The following NEIL1 variants were observed in gnomAD, a reference collection of about 807,000 sequenced individuals.
NEIL1 encodes nei like DNA glycosylase 1, also known as endonuclease 8-like 1.
NEIL1 carries 31 observed loss-of-function variants against 44.2 expected under a neutral mutation model. The observed-to-expected ratio is 0.70, with a 90% CI of 0.53 to 0.95. The LOEUF is 0.95. NEIL1 is among the 40% of genes least tolerant of loss of function. NEIL1 has a pLI of 0.00. For synonymous variants in NEIL1, 254 were observed against 209.7 expected, an observed-to-expected ratio of 1.21 and a Z score of -1.83; for missense variants, 549 against 515.5, an observed-to-expected ratio of 1.07 and a Z score of -0.63.
rs2072296808 is a variant in NEIL1, at chr15:75,356,322, G to GACC, written c.*1289_*1291dup. ...TTGCCTGCTTGACGGTCTCCAATACGACCGCGGGTGAAGACACGGAAAACG... is the reference window on the plus strand; with the variant it reads ...TTGCCTGCTTGACGGTCTCCAATACGACCACCGCGGGTGAAGACACGGAAAACG... On this transcript the variant is annotated 3_prime_UTR_variant, in exon 10 of 10. Coordinates refer to ENST00000355059, the MANE Select transcript of NEIL1 (RefSeq NM_024608.4). The surrounding 1 kb of genome is among the most constrained non-coding windows in gnomAD (Gnocchi z 5.8). 1 of 1,612,214 alleles carries GACC rather than the reference G, an allele frequency of 6.2e-7. No homozygotes were observed. The highest frequency in any genetic ancestry group is 1.3e-5 in the African/African-American group (1 of 74,832).
At position 75,355,932 on chromosome 15, in the gene NEIL1, G is replaced by T; in HGVS notation, c.*898G>T. 6.2e-7 allele frequency: 1 copy of T among 1,614,206 alleles called. No individual in the cohort carries two copies. Among genetic ancestry groups the T allele is most frequent in the Non-Finnish European group, 8.5e-7 (1 of 1,180,034 alleles). On this transcript the variant is annotated 3_prime_UTR_variant, in exon 10 of 10. Coordinates refer to ENST00000355059, the MANE Select transcript of NEIL1 (RefSeq NM_024608.4). Reference sequence around the variant, plus strand: ...CAGTGTGGCGGAGGCTGAAGCACGAGCAACAGGGACAGCACTTGGAAGGGA... The same window carrying T: ...CAGTGTGGCGGAGGCTGAAGCACGATCAACAGGGACAGCACTTGGAAGGGA...
Position 75,354,812 on chromosome 15 carries a change from G to C in NEIL1, c.1096G>C (p.Ala366Pro). 2 of 1,614,008 alleles carry C rather than the reference G, an allele frequency of 1.2e-6. No individual in the cohort carries two copies. The highest frequency in any genetic ancestry group is 1.7e-6 in the Non-Finnish European group (2 of 1,180,024). The change falls in exon 9 of 10, where the codon GCC becomes CCC. Residue 366 changes from alanine (A) to proline (P), a missense_variant. Transcript: ENST00000355059. ...KKGRRKGRQA[A>P]SGHCRPRKVK... ...GGGGAGGAGGAAGGGGCGACAGGCA[G>C]CCTCTGGTGGGCTTTCCTCATCACT...
chr15:75,349,571 T>C (rs1360756606), intron 2 of NEIL1: 1 of 544,368 alleles, frequency 1.8e-6, no homozygotes, highest in Non-Finnish European at 3.3e-6. Flanking sequence ...ATCCCAGCAC[T>C]TTGGGAAGCC....
chr15:75,350,160 C>T (rs1338685481), intron 2 of NEIL1, among the ~76,000 whole-genome samples: 1 of 152,226 alleles, frequency 6.6e-6, no homozygotes, highest in Non-Finnish European at 1.5e-5. Context: ...GGTGTAACAG[C>T]CCCACCTGGG....
At chr15:75,354,148 C>A in intron 6 of NEIL1, 102 bp from the exon 7 acceptor site, 1 of 1,343,214 alleles carries the variant, frequency 7.4e-7, no homozygotes, top group Admixed American at 1.7e-5. Flanking sequence ...AAGGGAGAAG[C>A]TACACTGATC....
Position 75,352,338 on chromosome 15 carries a change from C to G in NEIL1, c.569C>G (p.Pro190Arg), listed in dbSNP as rs144060219. ...AEILYRLKIP[P>R]FEKARSVLEA... ...CCCCACTACAGGCTGAAGATCCCCC[C>G]CTTTGAGAAGGCCCGCTCGGTCCTG... Residue 190 changes from proline (P) to arginine (R), a missense_variant, in exon 4 of 10, where the codon CCC (proline) becomes CGC (arginine). By Grantham distance (103) the Pro-to-Arg change is moderately radical. Transcript: ENST00000355059. 5.3e-5 allele frequency: 86 copies of G among 1,614,190 alleles called. No homozygotes were observed. Among genetic ancestry groups the G allele is most frequent in the South Asian group, 6.6e-5 (6 of 91,086 alleles).
At position 75,352,138 on chromosome 15, in the gene NEIL1, T is replaced by G; in HGVS notation, c.462T>G (p.Asp154Glu). 1.2e-6 allele frequency: 2 copies of G among 1,614,144 alleles called. No homozygotes were observed. Among genetic ancestry groups the G allele is most frequent in the African/African-American group, 2.7e-5 (2 of 75,036 alleles). ...AGAATGTGCTACGAAACCTAGCGGA[T>G]AAGGCCTTTGACCGGCCCATCTGCG... The part of the protein sequence containing the change: ...FRENVLRNLA[D>E]KAFDRPICEA... Residue 154 changes from aspartate to glutamate, a missense_variant, in exon 3 of 10, where the codon GAT (aspartate) becomes GAG (glutamate). Transcript: ENST00000355059.
rs770462466 is a variant in NEIL1 at position 75,352,246 on chromosome 15, T to A, written c.554+16T>A. On this transcript the variant is annotated intron_variant, in intron 3 of 9. Coordinates refer to ENST00000355059, the MANE Select transcript of NEIL1 (RefSeq NM_024608.4). ...TCCTGTACCGGTCAGCAAGCAGGCA[T>A]GGGCATGGGGACTGCGGTGGGCCAG... 13 of 1,614,180 alleles carry A rather than the reference T, an allele frequency of 8.1e-6. No homozygotes were observed. The highest frequency in any genetic ancestry group is 1.1e-5 in the Non-Finnish European group (13 of 1,180,026).
Position 75,356,854 on chromosome 15 carries a change from C to T in NEIL1, c.*1820C>T. 6.2e-7 allele frequency: 1 copy of T among 1,614,160 alleles called. No individual in the cohort carries two copies. The highest frequency in any genetic ancestry group is 8.5e-7 in the Non-Finnish European group (1 of 1,180,036). Reference sequence around the variant, plus strand: ...CCATACTTGCAGTCGTTGAGCAGGGCCAGCCCAAAGCCGTGTTCTGACAGA... The same window carrying T: ...CCATACTTGCAGTCGTTGAGCAGGGTCAGCCCAAAGCCGTGTTCTGACAGA... On this transcript the variant is annotated 3_prime_UTR_variant, in exon 10 of 10. Coordinates refer to ENST00000355059, the MANE Select transcript of NEIL1 (RefSeq NM_024608.4). The surrounding 1 kb of genome is among the most constrained non-coding windows in gnomAD (Gnocchi z 5.8).
At chr15:75,353,180 G>T in intron 5 of NEIL1, 1 of 176,808 alleles carries the variant, frequency 5.7e-6, no homozygotes, top group Non-Finnish European at 1.2e-5. Flanking sequence ...TTTCCTCCAA[G>T]CTGCCCATGA....
At chr15:75,351,366 C>T (rs2071878559) in intron 2 of NEIL1, 4 of 416,770 alleles carry the variant, frequency 9.6e-6, no homozygotes, top group South Asian at 7.0e-5. Flanking sequence ...GCCTTAACCT[C>T]CAGGGCTCAG....
At chr15:75,352,013 T>C in intron 2 of NEIL1, 98 bp from the exon 3 acceptor site, 2 of 1,168,414 alleles carry the variant, frequency 1.7e-6, no homozygotes, top group Non-Finnish European at 2.5e-6. Flanking sequence ...ACTCCCAGTT[T>C]CCTTCCCCTT....
rs1456873612 is a variant in NEIL1 at position 75,347,989 on chromosome 15, C to G, written c.-23+516C>G. The G allele has an allele frequency of 7.3e-6, 9 of 1,225,916 alleles. No homozygotes were observed. The East Asian group carries it at 6.0e-4, about 82-fold the overall frequency. The allele number at this position is 1,225,916 out of a possible 1,614,324, so 75.9% of individuals were successfully genotyped here. A position where few individuals can be genotyped will look rare whatever the true frequency, so the allele number is the denominator to read the frequency against. ...CCTTCGCCTCCGATTCCGAACCGCCCGGGGACAGAGGCAAGTGGCAAAGCA... is the reference window on the plus strand; with the variant it reads ...CCTTCGCCTCCGATTCCGAACCGCCGGGGGACAGAGGCAAGTGGCAAAGCA... On this transcript the variant is annotated intron_variant, in intron 1 of 9. Coordinates refer to ENST00000355059, the MANE Select transcript of NEIL1 (RefSeq NM_024608.4).
At chr15:75,352,261 C>T (rs750511721) in intron 3 of NEIL1, 31 bp downstream of exon 3, 26 of 1,614,012 alleles carry the variant, frequency 1.6e-5, no homozygotes, top group African/African-American at 4.0e-5. Flanking sequence ...ATGGGGACTG[C>T]GGTGGGCCAG....
chr15:75,349,430 G>A (rs1234043217), intron 2 of NEIL1, 91 bp downstream of exon 2: 5 of 1,256,486 alleles, frequency 4.0e-6, no homozygotes, highest in East Asian at 4.8e-5. Context: ...GCGAGTCCCT[G>A]CCCCTTCTGG....
chr15:75,353,465 A>G, intron 5 of NEIL1: 1 of 465,948 alleles, frequency 2.1e-6, no homozygotes. Flanking sequence ...GCCCCTAGGG[A>G]TTCTCCCATC....
rs369456817 is a variant in NEIL1 at position 75,355,976 on chromosome 15, C to T, written c.*942C>T. The T allele has an allele frequency of 1.2e-5, 19 of 1,613,978 alleles. No homozygotes were observed. The highest frequency in any genetic ancestry group is 4.0e-5 in the African/African-American group (3 of 74,910). ...GAAGGGAGAAAAGGTGAGCTTCAGG[C>T]GGTTGTCCCGAAGGGTCAAGTGGCC... On this transcript the variant is annotated 3_prime_UTR_variant, in exon 10 of 10. Coordinates refer to ENST00000355059, the MANE Select transcript of NEIL1 (RefSeq NM_024608.4).
rs1421899179 is a variant in NEIL1, at chr15:75,356,318, A to G, written c.*1284A>G. 2 of 1,612,462 alleles carry G rather than the reference A, an allele frequency of 1.2e-6. No individual in the cohort carries two copies. The highest frequency in any genetic ancestry group is 1.7e-4 in the Middle Eastern group (1 of 6,052). ...CCCCTTGCCTGCTTGACGGTCTCCAATACGACCGCGGGTGAAGACACGGAA... is the reference window on the plus strand; with the variant it reads ...CCCCTTGCCTGCTTGACGGTCTCCAGTACGACCGCGGGTGAAGACACGGAA... On this transcript the variant is annotated 3_prime_UTR_variant, in exon 10 of 10. Transcript: ENST00000355059. This position sits in a 1 kb window ranked among gnomAD's most constrained non-coding sequence, Gnocchi z 5.8.
At position 75,355,049 on chromosome 15, in the gene NEIL1, T is replaced by G; in HGVS notation, c.*15T>G. 6.2e-7 allele frequency: 1 copy of G among 1,611,218 alleles called. No homozygotes were observed. The highest frequency in any genetic ancestry group is 8.5e-7 in the Non-Finnish European group (1 of 1,178,290). ...CAGCCTCTTAGCAGGAGGCTCTCCT[T>G]GCTTGCACTCACCCTTTCTTATTGT... On this transcript the variant is annotated 3_prime_UTR_variant, in exon 10 of 10. Coordinates refer to ENST00000355059, the MANE Select transcript of NEIL1 (RefSeq NM_024608.4).
Sources: allele counts gnomAD v4.1 joint callset (sites outside exome capture counted in the v4.1 genomes callset), GRCh38; gene constraint gnomAD v4.1.1; non-coding constraint Gnocchi (gnomAD v3.1); transcripts MANE v1.5; gene names NCBI Gene and HGNC (gene_info 2026-07-23, HGNC 2026-07-21).